The following WDR38 variants were observed in gnomAD, a reference collection of about 807,000 sequenced individuals.
WDR38 encodes the protein WD repeat-containing protein 38.
WDR38 carries 37 observed loss-of-function variants against 36.6 expected under a neutral mutation model. The ratio of observed to expected loss-of-function variants is 1.01; its 90% CI spans 0.78 to 1.33. The LOEUF is 1.33. Ranked by LOEUF, WDR38 falls within the 40% of genes most tolerant of loss-of-function variation. WDR38 has a pLI of 0.00. For missense variants in WDR38, 411 were observed against 414.6 expected, an observed-to-expected ratio of 0.99 and a Z score of 0.07; for synonymous variants, 164 against 168.1, an observed-to-expected ratio of 0.98 and a Z score of 0.19.
Position 124,855,712 on chromosome 9 carries a change from G to A in WDR38, c.269G>A (p.Trp90Ter). The A allele has an allele frequency of 1.9e-6, 3 of 1,613,404 alleles. No individual in the cohort carries two copies. Among genetic ancestry groups the A allele is most frequent in the Admixed American group, 1.7e-5 (1 of 60,026 alleles). ...SASCDCTVRLWDVARAKCLRV... is the reference protein window; with the variant it reads ...SASCDCTVRL Reference sequence around the variant, plus strand: ...TCCTGTGACTGCACTGTCCGCCTGTGGGATGTGGCAAGAGCGAAGTGTCTG... The same window carrying A: ...TCCTGTGACTGCACTGTCCGCCTGTAGGATGTGGCAAGAGCGAAGTGTCTG... The change falls in exon 3 of 9, where the codon TGG (tryptophan) becomes TAG (stop). Residue 90 changes from tryptophan to a stop codon, truncating the protein, a stop_gained. Transcript: ENST00000373574. LOFTEE classifies it high-confidence loss of function.
At position 124,857,425 on chromosome 9, in the gene WDR38, C is replaced by T; in HGVS notation, c.816+14C>T. 6.2e-7 allele frequency: 1 copy of T among 1,614,176 alleles called. No homozygotes were observed. The highest frequency in any genetic ancestry group is 8.5e-7 in the Non-Finnish European group (1 of 1,180,030). ...GAGACCCTGAAGGTAAGGCACGGCG[C>T]TGTGGCACTGAGGAAGCTGTGGACA... On this transcript the variant is annotated intron_variant, in intron 8 of 8. Coordinates refer to ENST00000373574, the MANE Select transcript of WDR38 (RefSeq NM_001045476.3).
intron 2 of WDR38, 43 bp downstream of exon 2, chr9:124,854,368 T>G (rs1588029723): frequency 6.2e-7 from 1 of 1,608,694 alleles, no homozygotes; most frequent in Non-Finnish European, 8.5e-7. Context: ...GGCACAAGGG[T>G]CTGGCATGCT....
Position 124,857,571 on chromosome 9 carries a change from G to C in WDR38, c.886G>C (p.Asp296His), listed in dbSNP as rs769094587. ...GAAAATCTTAGTGTCTGGAGCTGCC[G>C]ATCAGACTAGACGTCAAATATCCCG... ...DGKILVSGAADQTRRQISRTS... is the reference protein window; with the variant it reads ...DGKILVSGAAHQTRRQISRTS... Residue 296 changes from aspartate to histidine, a missense_variant, in exon 9 of 9, where the codon GAT becomes CAT. Asp to His is a moderately conservative substitution (Grantham distance 81). Transcript: ENST00000373574. 1.2e-6 allele frequency: 2 copies of C among 1,614,130 alleles called. No homozygotes were observed. Among genetic ancestry groups the C allele is most frequent in the Non-Finnish European group, 8.5e-7 (1 of 1,180,036 alleles).
Position 124,857,717 on chromosome 9 carries a change from CTG to C in WDR38, c.*90_*91del. The C allele has an allele frequency of 4.4e-6, 7 of 1,584,118 alleles. No homozygotes were observed. The highest frequency in any genetic ancestry group is 6.0e-6 in the Non-Finnish European group (7 of 1,166,458). On this transcript the variant is annotated 3_prime_UTR_variant, in exon 9 of 9. Transcript: ENST00000373574. ...GCTTCTCCCCACAGACGCAAAGTGACTGTGCTGGCATCCAGCAGATCCCCATG... is the reference window on the plus strand; with the variant it reads ...GCTTCTCCCCACAGACGCAAAGTGACTGCTGGCATCCAGCAGATCCCCATG...
chr9:124,853,746 G>C (rs1828969445), intron 1 of WDR38, 146 bp downstream of exon 1: 1 of 625,218 alleles, frequency 1.6e-6, no homozygotes, highest in Non-Finnish European at 2.3e-6. Context: ...AAGAAGGATC[G>C]AAGTAGGTTC....
chr9:124,856,987 G>A (rs1248915227), intron 7 of WDR38, 106 bp downstream of exon 7: 7 of 1,527,062 alleles, frequency 4.6e-6, no homozygotes, highest in Non-Finnish European at 6.2e-6. Context: ...CCCTAGCTAG[G>A]AGGGGGCAAG....
At position 124,855,940 on chromosome 9, in the gene WDR38, G is replaced by A; in HGVS notation, c.387G>A (p.Val129=). 3.1e-6 allele frequency: 5 copies of A among 1,614,084 alleles called. No homozygotes were observed. Among genetic ancestry groups the A allele is most frequent in the Non-Finnish European group, 4.2e-6 (5 of 1,179,908 alleles). The change falls in exon 4 of 9, where the codon GTG becomes GTA. Residue 129 remains valine, a synonymous_variant. Coordinates refer to ENST00000373574, the MANE Select transcript of WDR38 (RefSeq NM_001045476.3). ...QLASGGWDKR[V]MLWDVQSGQM... ...CATCAGGTGGCTGGGACAAGCGGGTGATGCTCTGGGATGTGCAGGTACGTT... is the reference window on the plus strand; with the variant it reads ...CATCAGGTGGCTGGGACAAGCGGGTAATGCTCTGGGATGTGCAGGTACGTT...
chr9:124,857,467 G>A (rs1829111581), intron 8 of WDR38, 35 bp from the exon 9 acceptor site: 1 of 1,614,152 alleles, frequency 6.2e-7, no homozygotes, highest in African/African-American at 1.3e-5. Flanking sequence ...CCCAAGGCAG[G>A]ACTTGCCTCG....
chr9:124,853,731 A>C, intron 1 of WDR38, 131 bp downstream of exon 1: 1 of 709,198 alleles, frequency 1.4e-6, no homozygotes, highest in Non-Finnish European at 2.0e-6. Context: ...AGACTTTGCT[A>C]ACCCAAGAAG....
intron 7 of WDR38, 127 bp from the exon 8 acceptor site, chr9:124,857,237 G>A (rs553668753): frequency 1.2e-5 from 15 of 1,273,156 alleles, no homozygotes; most frequent in Non-Finnish European, 1.6e-5. Context: ...GGAGGTAGGT[G>A]AATCACCTGA....
chr9:124,853,651 T>C, intron 1 of WDR38, 51 bp downstream of exon 1: 1 of 1,230,742 alleles, frequency 8.1e-7, no homozygotes, highest in East Asian at 3.0e-5. Context: ...TGCAGAGTGG[T>C]TCCTGGTTCT....
At chr9:124,856,013 G>A (rs1829051500) in intron 4 of WDR38, 55 bp downstream of exon 4, 16 of 1,607,048 alleles carry the variant, frequency 1.0e-5, no homozygotes, top group Non-Finnish European at 1.4e-5. Context: ...GTTCCAGAGA[G>A]GATGTCACCA....
In WDR38 at chr9:124,856,805, G is replaced by A. The variant is rs1409195021; in HGVS notation, c.692G>A (p.Gly231Asp). Residue 231 changes from glycine (G) to aspartate (D), a missense_variant, in exon 7 of 9, where the codon GGC becomes GAC. Physicochemically the swap from Gly to Asp is moderately conservative, Grantham distance 94. Transcript: ENST00000373574. ...AGCAGCCTGCTTATCCAACTGAAGGGCCATGTCACCTGGGTGAAGAGCATA... is the reference window on the plus strand; with the variant it reads ...AGCAGCCTGCTTATCCAACTGAAGGACCATGTCACCTGGGTGAAGAGCATA... ...TTSSLLIQLK[G>D]HVTWVKSIAF... 1.2e-6 allele frequency: 2 copies of A among 1,614,238 alleles called. No individual in the cohort carries two copies. Among genetic ancestry groups the A allele is most frequent in the Middle Eastern group, 1.6e-4 (1 of 6,062 alleles).
In WDR38 at chr9:124,853,506, C is replaced by G; in HGVS notation, c.-26C>G. The G allele has an allele frequency of 8.1e-7, 1 of 1,241,690 alleles. No individual in the cohort carries two copies. The highest frequency in any genetic ancestry group is 1.0e-6 in the Non-Finnish European group (1 of 986,084). 76.9% of individuals were successfully genotyped at this position (1,241,690 alleles called of 1,614,324 possible). ...CCGCGGCCGCCTAGGAGGGAGCCCG[C>G]CGGGGCGGGGCGGGGCCGGGTGCCC... On this transcript the variant is annotated 5_prime_UTR_variant, in exon 1 of 9. Coordinates refer to ENST00000373574, the MANE Select transcript of WDR38 (RefSeq NM_001045476.3).
intron 7 of WDR38, 98 bp from the exon 8 acceptor site, chr9:124,857,266 A>G (rs1829102418): frequency 7.3e-6 from 11 of 1,499,458 alleles, no homozygotes; most frequent in Non-Finnish European, 9.3e-6. Flanking sequence ...GTTCAGGCGA[A>G]GACTCATCTC....
At chr9:124,854,170 T>TC in intron 1 of WDR38, 35 bp from the exon 2 acceptor site, 1 of 1,612,918 alleles carries the variant, frequency 6.2e-7, no homozygotes, top group Non-Finnish European at 8.5e-7. Context: ...AGGGGTTTCT[T>TC]CCCCAGAATG....
chr9:124,855,253 A>G (rs1829017008), intron 2 of WDR38, among the ~76,000 whole-genome samples: 1 of 152,200 alleles, frequency 6.6e-6, no homozygotes. Flanking sequence ...GACTCAATAG[A>G]TATAACTATT....
intron 4 of WDR38, 26 bp from the exon 5 acceptor site, chr9:124,856,214 C>T (rs748873465): frequency 3.7e-6 from 6 of 1,613,660 alleles, no homozygotes; most frequent in South Asian, 1.1e-5. Context: ...CCTCTGCTGC[C>T]TTCTGCAGCT....
chr9:124,856,047 CT>C, intron 4 of WDR38, 89 bp downstream of exon 4: 1 of 1,567,726 alleles, frequency 6.4e-7, no homozygotes. Context: ...AGCTCAAACC[CT>C]CCACTGGTTC....
Sources: gnomAD v4.1 joint callset for allele counts (sites outside exome capture counted in the v4.1 genomes callset) on GRCh38, gnomAD v4.1.1 for gene constraint, MANE v1.5 for transcripts, NCBI Gene and HGNC (gene_info 2026-07-23, HGNC 2026-07-21) for gene names.